The following DOCK5 variants were observed in gnomAD, a reference collection of about 807,000 sequenced individuals.
DOCK5 encodes dedicator of cytokinesis protein 5.
Under a neutral mutation model 251.8 loss-of-function variants are expected in DOCK5, and 142 were observed. That is an observed-to-expected ratio of 0.56 (90% confidence interval 0.49 to 0.65). The LOEUF is 0.65. DOCK5 is among the 30% of genes least tolerant of loss of function. DOCK5 has a pLI of 0.00. For missense variants in DOCK5, 2,111 were observed against 2,312.3 expected (o/e 0.91, Z 1.79); for synonymous variants, 842 against 835.5 (o/e 1.01, Z -0.13).
chr8:25,396,304 C>A (rs1393877010), intron 45 of DOCK5, among the ~76,000 whole-genome samples: 1 of 152,142 alleles, frequency 6.6e-6, no homozygotes, highest in East Asian at 1.9e-4. Flanking sequence ...CACTTTTAAC[C>A]CCAGAGGCAA....
intron 40 of DOCK5, among the ~76,000 whole-genome samples, chr8:25,386,001 T>G (rs1260547841): frequency 3.3e-5 from 5 of 151,698 alleles, no homozygotes; most frequent in Non-Finnish European, 5.9e-5. Flanking sequence ...GAGGCTGGAG[T>G]AGTTGTGTAC....
intron 45 of DOCK5, among the ~76,000 whole-genome samples, chr8:25,397,833 A>G (rs1801372994): frequency 6.6e-6 from 1 of 151,794 alleles, no homozygotes; most frequent in Non-Finnish European, 1.5e-5. Flanking sequence ...GGATAAATAC[A>G]TACATACATA....
chr8:25,304,109 C>T lies in DOCK5; in HGVS notation c.977-146C>T, dbSNP rs1039721668. On this transcript the variant is annotated intron_variant, in intron 10 of 51. Coordinates refer to ENST00000276440, the MANE Select transcript of DOCK5 (RefSeq NM_024940.8). ...GCTGGGCTAGGTACACTGGGAATCA[C>T]CATTGGCAAAGAAATTTTAAAAAAG... 9.5e-6 allele frequency: 6 copies of T among 629,014 alleles called. No individual in the cohort carries two copies. The African/African-American group carries it at 9.6e-5, about 10-fold the overall frequency. The allele number at this position is 629,014 out of a possible 1,614,324, so 39.0% of individuals were successfully genotyped here. A position where few individuals can be genotyped will look rare whatever the true frequency, so the allele number is the denominator to read the frequency against.
In DOCK5 at chr8:25,413,218, C is replaced by G. The variant is rs1801660631; in HGVS notation, c.*1920C>G. The G allele has an allele frequency of 6.6e-6, 1 of 152,178 alleles. No individual in the cohort carries two copies. Among genetic ancestry groups the G allele is most frequent in the South Asian group, 2.1e-4 (1 of 4,830 alleles). The allele number at this position is 152,178 out of a possible 1,614,324, so 9.4% of individuals were successfully genotyped here. On this transcript the variant is annotated 3_prime_UTR_variant, in exon 52 of 52. Transcript: ENST00000276440. ...AGAAGAGGTACTCACCTGATGGTCC[C>G]TGCTTTCCTCTGCTAGGCCTGAGTA...
At chr8:25,261,545 T>C (rs1412412748) in intron 2 of DOCK5, among the ~76,000 whole-genome samples, 1 of 152,204 alleles carries the variant, frequency 6.6e-6, no homozygotes, top group African/African-American at 2.4e-5. Flanking sequence ...TCCATGTTAC[T>C]TTGAGGTGGT....
At chr8:25,395,262 T>C (rs1801326333) in intron 44 of DOCK5, among the ~76,000 whole-genome samples, 1 of 152,108 alleles carries the variant, frequency 6.6e-6, no homozygotes, top group Non-Finnish European at 1.5e-5. Context: ...GAGCTCAGGT[T>C]GTAATGCGAG....
intron 47 of DOCK5, among the ~76,000 whole-genome samples, chr8:25,402,264 A>G (rs996785334): frequency 1.2e-4 from 19 of 152,138 alleles, no homozygotes; most frequent in African/African-American, 4.3e-4. Context: ...AGTAGCTGGA[A>G]CTACAGGTGT....
At chr8:25,357,606 G>A (rs1481568935) in intron 27 of DOCK5, among the ~76,000 whole-genome samples, 1 of 151,982 alleles carries the variant, frequency 6.6e-6, no homozygotes, top group Non-Finnish European at 1.5e-5. Context: ...TCAAACTCCT[G>A]ACCTCAAGTG....
intron 37 of DOCK5, chr8:25,374,858 C>T: frequency 3.6e-6 from 5 of 1,402,750 alleles, no homozygotes; most frequent in South Asian, 2.9e-5. Flanking sequence ...ATTTAAAAAT[C>T]CTTAGAAAGC....
chr8:25,250,574 T>A (rs1222930803), intron 2 of DOCK5, among the ~76,000 whole-genome samples: 1 of 152,214 alleles, frequency 6.6e-6, no homozygotes, highest in African/African-American at 2.4e-5. Flanking sequence ...GGTCATTTAT[T>A]CATTCAACAT....
intron 1 of DOCK5, 41 bp downstream of exon 1, chr8:25,184,992 G>T (rs1218475527): frequency 7.5e-7 from 1 of 1,325,432 alleles, no homozygotes; most frequent in South Asian, 2.3e-5. Flanking sequence ...GACCCACGCG[G>T]CCAAGTTCGC....
intron 30 of DOCK5, among the ~76,000 whole-genome samples, chr8:25,365,289 C>T (rs939177620): frequency 8.5e-5 from 13 of 152,202 alleles, no homozygotes; most frequent in African/African-American, 2.9e-4. Flanking sequence ...AAGTTCCTTG[C>T]TGTCATGGAG....
At chr8:25,294,810 A>G (rs1208845871) in intron 6 of DOCK5, among the ~76,000 whole-genome samples, 2 of 152,194 alleles carry the variant, frequency 1.3e-5, no homozygotes, top group Non-Finnish European at 1.5e-5. Context: ...AAACACAATC[A>G]TGGCAGAAGG....
rs186667767 is a variant in DOCK5 at position 25,346,194 on chromosome 8, G to C, written c.2754+583G>C. On this transcript the variant is annotated intron_variant, in intron 26 of 51. Coordinates refer to ENST00000276440, the MANE Select transcript of DOCK5 (RefSeq NM_024940.8). ...ATCAAAGACCTGACTGGGCATGGTGGCTCAGGCCTGTAATCCCAGCACTTT... is the reference window on the plus strand; with the variant it reads ...ATCAAAGACCTGACTGGGCATGGTGCCTCAGGCCTGTAATCCCAGCACTTT... Among the ~76,000 whole-genome samples the C allele has an allele frequency of 1.5e-3, 225 of 152,178 alleles. 1 individual carries two copies. The highest frequency in any genetic ancestry group is 5.3e-3 in the African/African-American group (222 of 41,560).
chr8:25,410,702 T>TCCCCC (rs1022530937), intron 51 of DOCK5, among the ~76,000 whole-genome samples: 3 of 134,976 alleles, frequency 2.2e-5, no homozygotes, highest in Non-Finnish European at 4.8e-5. Context: ...CCTCAAGTGA[T>TCCCCC]CCCCCCCACC....
chr8:25,184,991 G>C, intron 1 of DOCK5, 40 bp downstream of exon 1: 1 of 1,326,962 alleles, frequency 7.5e-7, no homozygotes, highest in South Asian at 2.3e-5. Flanking sequence ...CGACCCACGC[G>C]GCCAAGTTCG....
rs778160729 is a variant in DOCK5 at position 25,319,492 on chromosome 8, G to C, written c.1444-86G>C. ...TAGGGCATGTGTGGACGTGTTTGGG[G>C]GTGAGGGGCTTGTGCATGGTATATG... On this transcript the variant is annotated intron_variant, in intron 14 of 51. Coordinates refer to ENST00000276440, the MANE Select transcript of DOCK5 (RefSeq NM_024940.8). 447 of 837,786 alleles carry C rather than the reference G, an allele frequency of 5.3e-4. 2 individuals are homozygous for C. The highest frequency in any genetic ancestry group is 1.5e-4 in the Admixed American group (7 of 45,926). 51.9% of individuals were successfully genotyped at this position (837,786 alleles called of 1,614,324 possible).
At chr8:25,192,341 G>A (rs1801604108) in intron 1 of DOCK5, among the ~76,000 whole-genome samples, 1 of 152,072 alleles carries the variant, frequency 6.6e-6, no homozygotes, top group South Asian at 2.1e-4. Context: ...CTGAGGAATC[G>A]CCACACTGTC....
At chr8:25,246,414 C>T (rs1345767396) in intron 2 of DOCK5, among the ~76,000 whole-genome samples, 3 of 152,128 alleles carry the variant, frequency 2.0e-5, no homozygotes, top group African/African-American at 7.2e-5. Flanking sequence ...GTTGGGATTA[C>T]AGACACCCGC....
Sources: allele counts gnomAD v4.1 joint callset (sites outside exome capture counted in the v4.1 genomes callset), GRCh38; gene constraint gnomAD v4.1.1; transcripts MANE v1.5; gene names NCBI Gene and HGNC (gene_info 2026-07-23, HGNC 2026-07-21).